Variants in RGS7 observed in about 807,000 individuals in gnomAD.
RGS7 encodes the protein regulator of G-protein signaling 7.
A neutral mutation model predicts 81.1 loss-of-function variants in RGS7; 27 were observed. The observed-to-expected ratio is 0.33, with a 90% CI of 0.25 to 0.46. The LOEUF is 0.46. RGS7 is among the 20% of genes least tolerant of loss of function. RGS7 has a pLI of 1.00. For missense variants in RGS7, 396 were observed against 607.4 expected (o/e 0.65, Z 3.66); for synonymous variants, 208 against 207.7 (o/e 1.00, Z -0.01).
intron 2 of RGS7, among the ~76,000 whole-genome samples, chr1:241,202,015 C>CACAG (rs1196248814): frequency 1.3e-5 from 1 of 78,048 alleles, no homozygotes; most frequent in African/African-American, 3.9e-5. Flanking sequence ...CACACAGACA[C>CACAG]ACACACACAC....
chr1:241,158,415 A>C (rs2069357610), intron 2 of RGS7, among the ~76,000 whole-genome samples: 1 of 152,200 alleles, frequency 6.6e-6, no homozygotes, highest in Admixed American at 6.5e-5. Flanking sequence ...CTCATAAAAC[A>C]CTAAACACCT....
chr1:241,212,971 G>T (rs780243988), intron 2 of RGS7, among the ~76,000 whole-genome samples: 45 of 152,166 alleles, frequency 3.0e-4, no homozygotes, highest in Non-Finnish European at 5.1e-4. Flanking sequence ...ACATCAATCT[G>T]AGTGTCCTTG....
Position 241,152,527 on chromosome 1 carries a change from A to G in RGS7, c.79-53765T>C, listed in dbSNP as rs1032742973. Among the ~76,000 whole-genome samples the G allele has an allele frequency of 4.2e-4, 64 of 152,194 alleles. 1 individual carries two copies. The highest frequency in any genetic ancestry group is 1.4e-3 in the African/African-American group (59 of 41,460). On this transcript the variant is annotated intron_variant, in intron 2 of 18. Coordinates refer to ENST00000440928, the MANE Select transcript of RGS7 (RefSeq NM_001364886.1). ...TCCTGAAGCCCATTGAACACTCCAG[A>G]ATATTGTGCAGGCGTAGGTCTTGCT...
Position 240,868,698 on chromosome 1 carries a change from T to G in RGS7, c.528-30A>C. ...CAACACAGTAACAATAGATAACATT[T>G]AGTATTAATTGTAGTGCCTCTCTGA... On this transcript the variant is annotated intron_variant, in intron 8 of 18. Transcript: ENST00000440928. The surrounding 1 kb of genome is among the most constrained non-coding windows in gnomAD (Gnocchi z 5.1). The G allele has an allele frequency of 6.2e-7, 1 of 1,612,326 alleles. No individual in the cohort carries two copies. Among genetic ancestry groups the G allele is most frequent in the Non-Finnish European group, 8.5e-7 (1 of 1,178,360 alleles).
In RGS7 at chr1:240,973,668, C is replaced by A. The variant is rs556842236; in HGVS notation, c.226+9411G>T. Among the ~76,000 whole-genome samples the A allele has an allele frequency of 2.0e-5, 3 of 152,160 alleles. No homozygotes were observed. In the South Asian group the frequency reaches 6.2e-4, roughly 32 times the overall value. On this transcript the variant is annotated intron_variant, in intron 4 of 18. Coordinates refer to ENST00000440928, the MANE Select transcript of RGS7 (RefSeq NM_001364886.1). ...GCAGTGGTGCCATCTCAGCTCACTGCAAGCTCCGCCTTCTGGGTTCACGCC... is the reference window on the plus strand; with the variant it reads ...GCAGTGGTGCCATCTCAGCTCACTGAAAGCTCCGCCTTCTGGGTTCACGCC...
At chr1:241,192,208 T>TGTGTGTGTGTG (rs1558174235) in intron 2 of RGS7, among the ~76,000 whole-genome samples, 2 of 64,648 alleles carry the variant, frequency 3.1e-5, no homozygotes, top group African/African-American at 7.1e-5. Flanking sequence ...GTGTGTGTGT[T>TGTGTGTGTGTG]TTGCTTTGAT....
chr1:241,159,185 G>T (rs533069836), intron 2 of RGS7, among the ~76,000 whole-genome samples: 1 of 152,122 alleles, frequency 6.6e-6, no homozygotes, highest in South Asian at 2.1e-4. Context: ...AAGTTACAAT[G>T]CTTCCTTTTC....
At chr1:241,079,910 T>G (rs2063039851) in intron 3 of RGS7, among the ~76,000 whole-genome samples, 1 of 152,100 alleles carries the variant, frequency 6.6e-6, no homozygotes, top group South Asian at 2.1e-4. Context: ...ATGAACAGAA[T>G]TAAACTTCTC....
Position 240,921,592 on chromosome 1 carries a change from A to T in RGS7, c.385+9125T>A, listed in dbSNP as rs1440659682. Among the ~76,000 whole-genome samples the T allele has an allele frequency of 2.0e-5, 3 of 152,274 alleles. No homozygotes were observed. The East Asian group carries it at 5.8e-4, about 29-fold the overall frequency. ...TCATAGCAAAGTTGCAGGGTACAAA[A>T]AAAGTCAGCGGTTTTCCTATGTACC... On this transcript the variant is annotated intron_variant, in intron 6 of 18. Coordinates refer to ENST00000440928, the MANE Select transcript of RGS7 (RefSeq NM_001364886.1).
intron 2 of RGS7, among the ~76,000 whole-genome samples, chr1:241,234,983 G>A (rs1327896913): frequency 2.0e-5 from 3 of 152,116 alleles, no homozygotes; most frequent in African/African-American, 7.2e-5. Context: ...GGCCTTCAAA[G>A]GCCTCTCAGC....
chr1:240,832,927 C>T lies in RGS7; in HGVS notation c.610-5755G>A, dbSNP rs111300229. ...GATATGTTTTACTACTGCCCACCCC[C>T]ACAAAAGAGATGCCTGAAACCACGG... On this transcript the variant is annotated intron_variant, in intron 9 of 18. Transcript: ENST00000440928. Among the ~76,000 whole-genome samples the T allele has an allele frequency of 5.9e-5, 9 of 152,238 alleles. 1 individual carries two copies. The highest frequency in any genetic ancestry group is 2.2e-4 in the African/African-American group (9 of 41,522).
chr1:241,299,197 T>C (rs1363189331), intron 2 of RGS7, among the ~76,000 whole-genome samples: 3 of 152,174 alleles, frequency 2.0e-5, no homozygotes, highest in African/African-American at 4.8e-5. Flanking sequence ...TCTGAGCCAG[T>C]ACAATTCTGA....
At chr1:240,823,200 C>T in intron 10 of RGS7, 1 of 895,006 alleles carries the variant, frequency 1.1e-6, no homozygotes, top group Non-Finnish European at 1.9e-6. Flanking sequence ...TAAGCGTGTC[C>T]ATGGACTTCT....
At chr1:241,343,114 T>C (rs555033915) in intron 2 of RGS7, among the ~76,000 whole-genome samples, 1 of 151,832 alleles carries the variant, frequency 6.6e-6, no homozygotes, top group South Asian at 2.1e-4. Context: ...TACAAAAAAT[T>C]AGTCAGGCAT....
intron 3 of RGS7, among the ~76,000 whole-genome samples, chr1:241,032,478 A>T (rs978647864): frequency 6.6e-6 from 1 of 152,150 alleles, no homozygotes; most frequent in Non-Finnish European, 1.5e-5. Context: ...TTGGTTCCAT[A>T]TGAATTTTAG....
intron 9 of RGS7, among the ~76,000 whole-genome samples, chr1:240,860,182 T>G (rs1661946978): frequency 6.6e-6 from 1 of 152,184 alleles, no homozygotes; most frequent in Non-Finnish European, 1.5e-5. Flanking sequence ...GCTGTTGTAT[T>G]AAGTATTCTA....
chr1:241,260,660 A>G (rs1248953533), intron 2 of RGS7, among the ~76,000 whole-genome samples: 3 of 152,120 alleles, frequency 2.0e-5, no homozygotes, highest in Admixed American at 1.3e-4. Context: ...AATATTATCT[A>G]CTTTACAAGT....
At chr1:241,038,855 T>C (rs2060462615) in intron 3 of RGS7, among the ~76,000 whole-genome samples, 1 of 152,090 alleles carries the variant, frequency 6.6e-6, no homozygotes, top group South Asian at 2.1e-4. Flanking sequence ...TAGTCCTAGC[T>C]ACCCAGAAGG....
At chr1:241,279,852 C>T (rs1458248978) in intron 2 of RGS7, among the ~76,000 whole-genome samples, 1 of 152,312 alleles carries the variant, frequency 6.6e-6, no homozygotes, top group Middle Eastern at 3.4e-3. Context: ...CTCAGCCCAA[C>T]TTTCTAGAGA....
Sources: allele counts gnomAD v4.1 joint callset (sites outside exome capture counted in the v4.1 genomes callset), GRCh38; gene constraint gnomAD v4.1.1; non-coding constraint Gnocchi (gnomAD v3.1); transcripts MANE v1.5; gene names NCBI Gene and HGNC (gene_info 2026-07-23, HGNC 2026-07-21).